NKD2: variants seen among roughly 807,000 people sequenced by gnomAD.
NKD2 encodes protein naked cuticle homolog 2.
Under a neutral mutation model 34.8 loss-of-function variants are expected in NKD2, and 43 were observed. The ratio of observed to expected loss-of-function variants is 1.24; its 90% CI spans 0.97 to 1.60. NKD2 has a LOEUF of 1.60. Ranked by LOEUF, NKD2 falls within the 40% of genes most tolerant of loss-of-function variation. The probability of loss-of-function intolerance (pLI) is 0.00; values close to 1 mark genes in which losing one functional copy is unlikely to be tolerated. For synonymous variants in NKD2, 278 were observed against 265.1 expected (o/e 1.05, Z -0.47); for missense variants, 675 against 627.1 (o/e 1.08, Z -0.82).
At chr5:1,033,339 T>G (rs1390960501) in intron 4 of NKD2, 33 bp from the exon 5 acceptor site, 8 of 1,570,552 alleles carry the variant, frequency 5.1e-6, no homozygotes, top group Admixed American at 3.6e-5. Flanking sequence ...ATGTGCCCTC[T>G]GCCAGCCCCT....
Position 1,034,185 on chromosome 5 carries a change from G to A in NKD2, c.331-50G>A, listed in dbSNP as rs368850892. On this transcript the variant is annotated intron_variant, in intron 5 of 9. Coordinates refer to ENST00000296849, the MANE Select transcript of NKD2 (RefSeq NM_033120.4). The stretch of plus-strand genomic sequence containing the variant: ...GATCCTTCCCCCTGTGGAGTTGGGC[G>A]TGTTGGCGTGGGTAGGAGGCGAGGT... 5.9e-5 allele frequency: 79 copies of A among 1,332,236 alleles called. No individual in the cohort carries two copies. The South Asian group carries it at 6.7e-4, about 11-fold the overall frequency. The allele number at this position is 1,332,236 out of a possible 1,614,324, so 82.5% of individuals were successfully genotyped here.
chr5:1,038,721 G>A lies in NKD2; in HGVS notation c.*348G>A, dbSNP rs1028613769. The A allele has an allele frequency of 7.3e-6, 4 of 544,882 alleles. No homozygotes were observed. Among genetic ancestry groups the A allele is most frequent in the Non-Finnish European group, 1.3e-5 (4 of 300,616 alleles). 33.8% of individuals were successfully genotyped at this position (544,882 alleles called of 1,614,324 possible). ...TGCGCAAGGAGTGCCCGGATGCTTG[G>A]GGTGGGTGTTCCTCCCGGGGCTTCA... is the stretch of plus-strand genomic sequence containing the variant. On this transcript the variant is annotated 3_prime_UTR_variant, in exon 10 of 10. Transcript: ENST00000296849. This position sits in a 1 kb window ranked among gnomAD's most constrained non-coding sequence, Gnocchi z 4.5.
At chr5:1,010,820 C>CCT (rs1297255047) in intron 3 of NKD2, among the ~76,000 whole-genome samples, 2 of 152,328 alleles carry the variant, frequency 1.3e-5, no homozygotes, top group Non-Finnish European at 2.9e-5. Flanking sequence ...CGGGCGTTCA[C>CCT]CTCTCTCGTG....
intron 4 of NKD2, 98 bp downstream of exon 4, chr5:1,032,310 G>A (rs568565302): frequency 1.4e-5 from 13 of 921,038 alleles, no homozygotes; most frequent in East Asian, 1.3e-4. Flanking sequence ...CCCCGTGTGC[G>A]GAGCGAGGGC....
At position 1,009,374 on chromosome 5, in the gene NKD2, T is replaced by A; in HGVS notation, c.62-107T>A. The A allele has an allele frequency of 1.1e-6, 1 of 882,466 alleles. No homozygotes were observed. The highest frequency in any genetic ancestry group is 1.8e-5 in the South Asian group (1 of 56,768). The allele number at this position is 882,466 out of a possible 1,614,324, so 54.7% of individuals were successfully genotyped here. A position where few individuals can be genotyped will look rare whatever the true frequency, so the allele number is the denominator to read the frequency against. On this transcript the variant is annotated intron_variant, in intron 2 of 9. Transcript: ENST00000296849. This position sits in a 1 kb window ranked among gnomAD's most constrained non-coding sequence, Gnocchi z 6.9. ...GACCCCCACGCCTGCCCCTGCGCGG[T>A]CTCCAGGCGATGGGGACACAGCGAA...
chr5:1,038,549 A>T lies in NKD2; in HGVS notation c.*176A>T, dbSNP rs963153881. 7.4e-6 allele frequency: 10 copies of T among 1,358,114 alleles called. No individual in the cohort carries two copies. In the Admixed American group the frequency reaches 2.0e-4, roughly 27 times the overall value. 84.1% of individuals were successfully genotyped at this position (1,358,114 alleles called of 1,614,324 possible). On this transcript the variant is annotated 3_prime_UTR_variant, in exon 10 of 10. Transcript: ENST00000296849. This position sits in a 1 kb window ranked among gnomAD's most constrained non-coding sequence, Gnocchi z 4.5. ...ATGATGGAGGTGGTGCACCTTGGAC[A>T]CGTGGACAAGGCCCAGGCGCCCTCT...
rs10060716 is a variant in NKD2 at position 1,009,310 on chromosome 5, A to G, written c.61+96A>G. ...GCGCGCGTCCTGCCCTGGAGCCAGC[A>G]GTGGGGGGACGGGGCCGCGGGTCTC... is the stretch of plus-strand genomic sequence containing the variant. On this transcript the variant is annotated intron_variant, in intron 2 of 9. Coordinates refer to ENST00000296849, the MANE Select transcript of NKD2 (RefSeq NM_033120.4). This position sits in a 1 kb window ranked among gnomAD's most constrained non-coding sequence, Gnocchi z 6.9. The G allele has an allele frequency of 0.97, 493,831 of 506,654 alleles. 241,926 individuals are homozygous for G. Among genetic ancestry groups the G allele is most frequent in the East Asian group, 1 (27,602 of 27,602 alleles). The allele number at this position is 506,654 out of a possible 1,614,324, so 31.4% of individuals were successfully genotyped here. A position where few individuals can be genotyped will look rare whatever the true frequency, so the allele number is the denominator to read the frequency against.
chr5:1,035,665 C>T (rs1733868235), intron 8 of NKD2, 192 bp downstream of exon 8: 1 of 585,980 alleles, frequency 1.7e-6, no homozygotes, highest in East Asian at 2.9e-5. Flanking sequence ...AGCTGGGCCC[C>T]CAAGTCTGTC....
At position 1,033,486 on chromosome 5, in the gene NKD2, G is replaced by C. The variant is rs1419999546; in HGVS notation, c.317G>C (p.Arg106Pro). 1 of 1,550,038 alleles carries C rather than the reference G, an allele frequency of 6.5e-7. No homozygotes were observed. Among genetic ancestry groups the C allele is most frequent in the African/African-American group, 1.4e-5 (1 of 73,048 alleles). ...REGPRGPGGQ[R>P]LNIDALQCDV... Reference sequence around the variant, plus strand: ...GGCCCGCGAGGACCGGGCGGGCAGCGCCTCAACATTGACGTGGGTCTCTCT... The same window carrying C: ...GGCCCGCGAGGACCGGGCGGGCAGCCCCTCAACATTGACGTGGGTCTCTCT... The change falls in exon 5 of 10, where the codon CGC becomes CCC. Residue 106 changes from arginine (R) to proline (P), a missense_variant. Arg to Pro is a moderately radical substitution (Grantham distance 103). Transcript: ENST00000296849.
chr5:1,022,067 G>A (rs1405976286), intron 3 of NKD2, among the ~76,000 whole-genome samples: 1 of 146,194 alleles, frequency 6.8e-6, no homozygotes, highest in African/African-American at 2.5e-5. Flanking sequence ...AGTCGAAACG[G>A]GGTCCTTGCT....
chr5:1,031,893 G>A (rs1198198945), intron 3 of NKD2, among the ~76,000 whole-genome samples: 1 of 152,210 alleles, frequency 6.6e-6, no homozygotes, highest in Non-Finnish European at 1.5e-5. Context: ...GACTGAAGGG[G>A]TCATTCCAGG....
At chr5:1,026,893 T>C (rs1421995002) in intron 3 of NKD2, among the ~76,000 whole-genome samples, 2 of 152,324 alleles carry the variant, frequency 1.3e-5, no homozygotes, top group African/African-American at 4.8e-5. Context: ...GCGCCTACCT[T>C]GCTCCTCACC....
At position 1,037,933 on chromosome 5, in the gene NKD2, G is replaced by A. The variant is rs961858624; in HGVS notation, c.916G>A (p.Val306Ile). 2.2e-5 allele frequency: 36 copies of A among 1,607,174 alleles called. No homozygotes were observed. The highest frequency in any genetic ancestry group is 5.5e-5 in the South Asian group (5 of 90,764). ...HRRSQVLVEH[V>I]VPASEPAARA... ...CAGGTCACAGGTGCTGGTGGAACACGTCGTGCCAGCCTCGGAGCCTGCTGC... is the reference window on the plus strand; with the variant it reads ...CAGGTCACAGGTGCTGGTGGAACACATCGTGCCAGCCTCGGAGCCTGCTGC... The change falls in exon 10 of 10, where the codon GTC (valine) becomes ATC (isoleucine). Residue 306 changes from valine to isoleucine, a missense_variant. Val to Ile is a conservative substitution (Grantham distance 29). Coordinates refer to ENST00000296849, the MANE Select transcript of NKD2 (RefSeq NM_033120.4).
chr5:1,012,074 A>G (rs945721013), intron 3 of NKD2, among the ~76,000 whole-genome samples: 1 of 152,332 alleles, frequency 6.6e-6, no homozygotes, highest in East Asian at 1.9e-4. Flanking sequence ...TAGTGACTGC[A>G]GGGAGGATGG....
intron 5 of NKD2, 69 bp from the exon 6 acceptor site, chr5:1,034,166 T>TC: frequency 8.9e-7 from 1 of 1,128,010 alleles, no homozygotes; most frequent in Non-Finnish European, 1.3e-6. Context: ...AGAAGATCCT[T>TC]CCCCCTGTGG....
intron 3 of NKD2, among the ~76,000 whole-genome samples, chr5:1,026,818 C>T (rs572698435): frequency 2.4e-4 from 36 of 152,396 alleles, no homozygotes; most frequent in African/African-American, 7.7e-4. Flanking sequence ...TGGTCCTGCC[C>T]AGCCGCATCC....
At chr5:1,010,823 C>T (rs1190955240) in intron 3 of NKD2, among the ~76,000 whole-genome samples, 4 of 152,236 alleles carry the variant, frequency 2.6e-5, no homozygotes, top group Non-Finnish European at 5.9e-5. Flanking sequence ...GCGTTCACCT[C>T]TCTCGTGGTC....
chr5:1,035,338 A>C (rs1203060969), intron 7 of NKD2, 51 bp from the exon 8 acceptor site: 1 of 1,373,810 alleles, frequency 7.3e-7, no homozygotes, highest in Admixed American at 2.0e-5. Context: ...GAATGAGTGA[A>C]TGCTGAATGA....
chr5:1,038,167 C>T lies in NKD2; in HGVS notation c.1150C>T (p.Arg384Trp), dbSNP rs941580787. 7 of 1,585,674 alleles carry T rather than the reference C, an allele frequency of 4.4e-6. No individual in the cohort carries two copies. The highest frequency in any genetic ancestry group is 4.0e-5 in the African/African-American group (3 of 74,512). The change falls in exon 10 of 10, where the codon CGG becomes TGG. Residue 384 changes from arginine (R) to tryptophan (W), a missense_variant. Transcript: ENST00000296849. The surrounding 1 kb of genome is among the most constrained non-coding windows in gnomAD (Gnocchi z 4.5). The part of the protein sequence containing the change: ...QPPPPPYGHK[R>W]YRQKGREGHS... ...CCCACCGCCACCCTACGGCCACAAG[C>T]GGTACCGCCAAAAGGGCAGGGAGGG...
Sources: allele counts gnomAD v4.1 joint callset (sites outside exome capture counted in the v4.1 genomes callset), GRCh38; gene constraint gnomAD v4.1.1; non-coding constraint Gnocchi (gnomAD v3.1); transcripts MANE v1.5; gene names NCBI Gene and HGNC (gene_info 2026-07-23, HGNC 2026-07-21).